Variants in GC observed in about 807,000 individuals in gnomAD.
GC encodes the protein vitamin D-binding protein.
A neutral mutation model predicts 56.7 loss-of-function variants in GC; 43 were observed. The observed-to-expected ratio is 0.76, with a 90% CI of 0.59 to 0.98. The LOEUF (loss-of-function observed/expected upper bound fraction) is 0.98, where lower values mean the gene tolerates loss of function less well. GC is among the 50% of genes least tolerant of loss of function. The pLI is 0.00. For synonymous variants in GC, 216 were observed against 202.7 expected, an observed-to-expected ratio of 1.07 and a Z score of -0.56; for missense variants, 529 against 545.9, an observed-to-expected ratio of 0.97 and a Z score of 0.31.
chr4:71,742,007 C>CT, intron 12 of GC, 137 bp from the exon 13 acceptor site: 1 of 653,770 alleles, frequency 1.5e-6, no homozygotes, highest in Non-Finnish European at 2.7e-6. Context: ...TAGGATGACC[C>CT]ATATATCCAC....
intron 1 of GC, among the ~76,000 whole-genome samples, chr4:71,801,485 G>A: frequency 6.6e-6 from 1 of 152,094 alleles, no homozygotes; most frequent in Non-Finnish European, 1.5e-5. Context: ...GGTACACTGA[G>A]GTCAGGACAT....
chr4:71,744,828 G>A (rs73827382), intron 12 of GC, among the ~76,000 whole-genome samples: 12,609 of 150,998 alleles, frequency 0.084, 1,273 homozygotes, highest in African/African-American at 0.24. Context: ...ATTCAAATGG[G>A]GGGAGGATGT....
At chr4:71,778,140 A>G (rs1560706971) in intron 1 of GC, among the ~76,000 whole-genome samples, 1 of 151,956 alleles carries the variant, frequency 6.6e-6, no homozygotes, top group Non-Finnish European at 1.5e-5. Context: ...TGTATATTCC[A>G]ATAAATCTTT....
At chr4:71,778,697 A>G (rs187755194) in intron 1 of GC, among the ~76,000 whole-genome samples, 195 of 151,956 alleles carry the variant, frequency 1.3e-3, no homozygotes, top group Non-Finnish European at 1.9e-3. Context: ...AGGGCCAAAG[A>G]AAACATCCAT....
chr4:71,742,008 A>ATGGGCC, intron 12 of GC, 138 bp from the exon 13 acceptor site: 1 of 655,792 alleles, frequency 1.5e-6, no homozygotes, highest in Non-Finnish European at 2.7e-6. Flanking sequence ...AGGATGACCC[A>ATGGGCC]TATATCCACT....
rs776422322 is a variant in GC at position 71,756,747 on chromosome 4, A to G, written c.999T>C (p.Asp333=). 96 of 1,613,692 alleles carry G rather than the reference A, an allele frequency of 5.9e-5. No homozygotes were observed. The highest frequency in any genetic ancestry group is 1.8e-4 in the Admixed American group (11 of 59,968). The change falls in exon 8 of 13, where the codon GAT becomes GAC. Residue 333 remains aspartate, a synonymous_variant. Coordinates refer to ENST00000273951, the MANE Select transcript of GC (RefSeq NM_000583.4). ...LPDVELPTNK[D]VCDPGNTKVM... ...CTTTGGTGTTTCCTGGATCACACACATCTTTGTTTGTGGGCAACTCTACAT... is the reference window on the plus strand; with the variant it reads ...CTTTGGTGTTTCCTGGATCACACACGTCTTTGTTTGTGGGCAACTCTACAT...
intron 1 of GC, 23 bp downstream of exon 1, chr4:71,783,938 G>T (rs769584091): frequency 5.8e-6 from 9 of 1,551,422 alleles, no homozygotes; most frequent in Non-Finnish European, 7.9e-6. Flanking sequence ...TCCTGTAAAT[G>T]GTCACAACAA....
At chr4:71,792,257 G>A (rs1014649495) in intron 1 of GC, among the ~76,000 whole-genome samples, 2 of 152,110 alleles carry the variant, frequency 1.3e-5, no homozygotes, top group Non-Finnish European at 1.5e-5. Flanking sequence ...TTCCACAATG[G>A]TTGAACTAAT....
At chr4:71,791,224 T>C (rs775849436) in intron 1 of GC, among the ~76,000 whole-genome samples, 3 of 152,124 alleles carry the variant, frequency 2.0e-5, no homozygotes, top group African/African-American at 2.4e-5. Flanking sequence ...AAATACCTTT[T>C]GTTTATTCAG....
chr4:71,800,175 C>T lies in GC; in HGVS notation c.21+3751G>A, dbSNP rs115862008. Among the ~76,000 whole-genome samples, 2,045 of 151,910 alleles carry T rather than the reference C, an allele frequency of 0.013. 79 individuals are homozygous for T. In the East Asian group the frequency reaches 0.17, roughly 12 times the overall value. ...TGGTGGTTTGCTGCACCTATCAACCCGCCTTCTAGGTATTAAGCCCTGCAT... is the reference window on the plus strand; with the variant it reads ...TGGTGGTTTGCTGCACCTATCAACCTGCCTTCTAGGTATTAAGCCCTGCAT... On this transcript the variant is annotated intron_variant, in intron 1 of 13. Coordinates refer to the GC transcript ENST00000504199.
chr4:71,797,429 C>T (rs759216498), intron 1 of GC, among the ~76,000 whole-genome samples: 48 of 152,360 alleles, frequency 3.2e-4, no homozygotes, highest in African/African-American at 7.2e-4. Flanking sequence ...GCTGCAGCCT[C>T]GCAGTTCAAT....
chr4:71,803,622 C>A (rs1001733416), intron 1 of GC, among the ~76,000 whole-genome samples: 6 of 152,092 alleles, frequency 3.9e-5, no homozygotes, highest in African/African-American at 1.4e-4. Context: ...GATCTTACTT[C>A]AGAGATTTGG....
At position 71,756,813 on chromosome 4, in the gene GC, G is replaced by A. The variant is rs1466615436; in HGVS notation, c.933C>T (p.Cys311=). Residue 311 remains cysteine, a synonymous_variant, in exon 8 of 13, where the codon TGC becomes TGT. Coordinates refer to ENST00000273951, the MANE Select transcript of GC (RefSeq NM_000583.4). ...GTTGGGCAGCTGGCATGAAGTAAGT[G>A]CACACAAAAACGTCCATGGCTGTTT... The part of the protein sequence containing the change: ...QEKTAMDVFV[C]TYFMPAAQLP... 1 of 1,612,472 alleles carries A rather than the reference G, an allele frequency of 6.2e-7. No individual in the cohort carries two copies. The highest frequency in any genetic ancestry group is 8.5e-7 in the Non-Finnish European group (1 of 1,178,642).
upstream of GC, among the ~76,000 whole-genome samples, chr4:71,784,656 A>G (rs553480164): frequency 3.3e-5 from 5 of 151,896 alleles, no homozygotes; most frequent in South Asian, 2.1e-4. Flanking sequence ...TCTATGCTGT[A>G]TTGCACTTTG....
intron 7 of GC, among the ~76,000 whole-genome samples, chr4:71,757,549 A>G (rs763876433): frequency 2.0e-5 from 3 of 152,096 alleles, no homozygotes; most frequent in Non-Finnish European, 4.4e-5. Flanking sequence ...AAACAGTAGT[A>G]GCGTCTACTA....
intron 1 of GC, among the ~76,000 whole-genome samples, chr4:71,802,494 A>G (rs1021438941): frequency 6.6e-6 from 1 of 152,220 alleles, no homozygotes; most frequent in Non-Finnish European, 1.5e-5. Flanking sequence ...AACGCATACA[A>G]TACAGATGCT....
At chr4:71,763,589 T>G in intron 5 of GC, 87 bp from the exon 6 acceptor site, 1 of 820,508 alleles carries the variant, frequency 1.2e-6, no homozygotes, top group East Asian at 2.5e-5. Context: ...ATTAATTTCA[T>G]GATTTTTTAA....
intron 9 of GC, 23 bp from the exon 10 acceptor site, chr4:71,754,531 T>C: frequency 8.4e-7 from 1 of 1,193,026 alleles, no homozygotes; most frequent in Admixed American, 1.8e-5. Flanking sequence ...AATAATTGCA[T>C]AACAAAATTA....
intron 1 of GC, among the ~76,000 whole-genome samples, chr4:71,790,569 C>CT (rs1253102238): frequency 2.0e-5 from 3 of 150,964 alleles, no homozygotes; most frequent in Admixed American, 6.6e-5. Flanking sequence ...GTATTTTTTC[C>CT]TTTTTTTGTT....
Sources: allele counts gnomAD v4.1 joint callset (sites outside exome capture counted in the v4.1 genomes callset), GRCh38; gene constraint gnomAD v4.1.1; transcripts MANE v1.5; gene names NCBI Gene and HGNC (gene_info 2026-07-23, HGNC 2026-07-21).